Variants in NPY1R observed in about 807,000 individuals in gnomAD.
The protein encoded by NPY1R is neuropeptide Y receptor type 1.
In NPY1R, 10 loss-of-function variants were observed where a neutral mutation model predicts 24.1. The ratio of observed to expected loss-of-function variants is 0.42; its 90% CI spans 0.26 to 0.71. NPY1R has a LOEUF of 0.71. Among genes scored for constraint, NPY1R ranks in the 30% least tolerant of loss-of-function variants. The pLI is 0.28. For missense variants in NPY1R, 350 were observed against 458.0 expected (o/e 0.76, Z 2.15); for synonymous variants, 168 against 165.9 (o/e 1.01, Z -0.10).
chr4:163,326,853 G>T, intron 1 of NPY1R, 148 bp from the exon 2 acceptor site: 1 of 244,424 alleles, frequency 4.1e-6, no homozygotes, highest in Non-Finnish European at 7.8e-6. Context: ...TAGCAGAAAT[G>T]GTGAAAACAT....
Position 163,324,306 on chromosome 4 carries a change from C to G in NPY1R, c.*997G>C, listed in dbSNP as rs1421624507. ...CCTTTAACATTGTACCTTGGTGTTA[C>G]TTCCTTTGAAAGATGGACATTGAAA... On this transcript the variant is annotated 3_prime_UTR_variant, in exon 3 of 3. Coordinates refer to ENST00000296533, the MANE Select transcript of NPY1R (RefSeq NM_000909.6). 6.6e-6 allele frequency: 1 copy of G among 152,604 alleles called. No homozygotes were observed. The highest frequency in any genetic ancestry group is 2.4e-5 in the African/African-American group (1 of 41,440). The allele number at this position is 152,604 out of a possible 1,614,324, so 9.5% of individuals were successfully genotyped here.
intron 1 of NPY1R, among the ~76,000 whole-genome samples, chr4:163,329,407 C>T (rs1003364751): frequency 3.3e-5 from 5 of 152,034 alleles, no homozygotes; most frequent in African/African-American, 1.2e-4. Context: ...TTGAGATCAG[C>T]CTGGCCAACA....
chr4:163,325,334 A>AT lies in NPY1R; in HGVS notation c.1123dup (p.Ile375AsnfsTer5), dbSNP rs769517510. ...TTTTTCATTATCATCATTGTTGTTG[A>AT]TTTTTTTAAATGCGACTGGGCTTGC... On this transcript the variant is annotated frameshift_variant, in exon 3 of 3. Transcript: ENST00000296533. LOFTEE classifies it high-confidence loss of function. 6.8e-6 allele frequency: 11 copies of AT among 1,610,932 alleles called. No individual in the cohort carries two copies. The highest frequency in any genetic ancestry group is 1.7e-5 in the Admixed American group (1 of 59,322).
At position 163,331,611 on chromosome 4, in the gene NPY1R, C is replaced by T. The variant is rs777975530; in HGVS notation, c.-152+871G>A. On this transcript the variant is annotated intron_variant, in intron 1 of 2. Transcript: ENST00000296533. ...AACCAAAACCAAGCAGATCCCAAAC[C>T]GAAGTCAATTCTCTCTCTTTGGCCC... 3.9e-5 allele frequency among the ~76,000 whole-genome samples: 6 copies of T among 152,040 alleles called. No individual in the cohort carries two copies. In the East Asian group the frequency reaches 1.2e-3, roughly 29 times the overall value.
upstream of NPY1R, among the ~76,000 whole-genome samples, chr4:163,337,914 A>C (rs1734881758): frequency 6.6e-6 from 1 of 152,168 alleles, no homozygotes; most frequent in Admixed American, 6.5e-5. Context: ...CCCACCTGAA[A>C]CTGTTTCTGC....
At chr4:163,328,562 G>A (rs190452838) in intron 1 of NPY1R, among the ~76,000 whole-genome samples, 78 of 152,238 alleles carry the variant, frequency 5.1e-4, no homozygotes, top group Non-Finnish European at 6.2e-4. Flanking sequence ...GTACCAACAG[G>A]TGAATGAGGA....
chr4:163,326,920 G>A (rs1734621856), intron 1 of NPY1R, among the ~76,000 whole-genome samples: 1 of 152,092 alleles, frequency 6.6e-6, no homozygotes, highest in South Asian at 2.1e-4. Context: ...ACAAGTCTTA[G>A]TAAAACATAA....
intron 1 of NPY1R, chr4:163,330,996 C>T (rs1734712758): frequency 6.6e-6 from 1 of 152,238 alleles, no homozygotes; most frequent in Non-Finnish European, 1.5e-5. Flanking sequence ...CTGGGGAGGG[C>T]TTGTTCAACA....
rs1734581966 is a variant in NPY1R at position 163,325,441 on chromosome 4, A to C, written c.1017T>G (p.Asp339Glu). 1 of 1,614,168 alleles carries C rather than the reference A, an allele frequency of 6.2e-7. No individual in the cohort carries two copies. Among genetic ancestry groups the C allele is most frequent in the Non-Finnish European group, 8.5e-7 (1 of 1,180,002 alleles). ...RDLQFFFNFCDFRSRDDDYET... is the reference protein window; with the variant it reads ...RDLQFFFNFCEFRSRDDDYET... ...CATAATCATCATCCCGAGACCGGAA[A>C]TCACAAAAGTTGAAGAAGAACTGCA... The change falls in exon 3 of 3, where the codon GAT becomes GAG. Residue 339 changes from aspartate to glutamate, a missense_variant. Physicochemically the swap from Asp to Glu is conservative, Grantham distance 45. Coordinates refer to ENST00000296533, the MANE Select transcript of NPY1R (RefSeq NM_000909.6).
chr4:163,326,252 T>C lies in NPY1R; in HGVS notation c.303A>G (p.Thr101=). The C allele has an allele frequency of 6.2e-7, 1 of 1,614,148 alleles. No individual in the cohort carries two copies. Among genetic ancestry groups the C allele is most frequent in the Non-Finnish European group, 8.5e-7 (1 of 1,179,990 alleles). The change falls in exon 2 of 3, where the codon ACA becomes ACG. Residue 101 remains threonine (T), a synonymous_variant. Coordinates refer to ENST00000296533, the MANE Select transcript of NPY1R (RefSeq NM_000909.6). ...IMCLPFTFVY[T]LMDHWVFGEA... Reference sequence around the variant, plus strand: ...CACCAAAGACCCAGTGGTCCATTAATGTGTAGACAAATGTAAAGGGGAGAC... The same window carrying C: ...CACCAAAGACCCAGTGGTCCATTAACGTGTAGACAAATGTAAAGGGGAGAC...
At position 163,331,527 on chromosome 4, in the gene NPY1R, CT is replaced by C. The variant is rs1276956245; in HGVS notation, c.-152+954del. On this transcript the variant is annotated intron_variant, in intron 1 of 2. Coordinates refer to ENST00000296533, the MANE Select transcript of NPY1R (RefSeq NM_000909.6). ...ACACACTCTCACTCTCTCTCTCTCT[CT>C]CATCAAAAAACCTTTCTACCAGTGA... Among the ~76,000 whole-genome samples, 14 of 151,836 alleles carry C rather than the reference CT, an allele frequency of 9.2e-5. 1 individual carries two copies. The highest frequency in any genetic ancestry group is 1.6e-4 in the Non-Finnish European group (11 of 67,854).
chr4:163,333,639 C>T (rs1038521077), upstream of NPY1R, among the ~76,000 whole-genome samples: 11 of 152,142 alleles, frequency 7.2e-5, no homozygotes, highest in Admixed American at 5.9e-4. Context: ...AGTCTTTCTT[C>T]TAATTAAAAT....
upstream of NPY1R, among the ~76,000 whole-genome samples, chr4:163,334,200 C>T (rs1414251638): frequency 2.6e-5 from 4 of 152,300 alleles, no homozygotes; most frequent in Non-Finnish European, 5.9e-5. Context: ...ATCAAATTGG[C>T]TATCTTTAGC....
intron 1 of NPY1R, among the ~76,000 whole-genome samples, chr4:163,341,213 A>G (rs1734973325): frequency 6.6e-6 from 1 of 152,112 alleles, no homozygotes; most frequent in Non-Finnish European, 1.5e-5. Context: ...TGCAGCATAG[A>G]GCATCATAAA....
chr4:163,343,238 T>G (rs1426014925), intron 1 of NPY1R, among the ~76,000 whole-genome samples: 2 of 151,450 alleles, frequency 1.3e-5, no homozygotes, highest in Non-Finnish European at 2.9e-5. Context: ...TGCTATTGAA[T>G]ATAGTCTTGA....
chr4:163,342,477 A>G (rs1735012136), intron 1 of NPY1R, among the ~76,000 whole-genome samples: 1 of 152,220 alleles, frequency 6.6e-6, no homozygotes, highest in South Asian at 2.1e-4. Flanking sequence ...TGACACTTTC[A>G]TCCCCTACTC....
chr4:163,337,427 CCTT>C (rs1480274062), upstream of NPY1R, among the ~76,000 whole-genome samples: 2 of 152,166 alleles, frequency 1.3e-5, no homozygotes, highest in African/African-American at 2.4e-5. Context: ...TCAACGGACT[CCTT>C]CTTTTTGGGA....
chr4:163,332,761 A>C (rs1734762798), upstream of NPY1R: 2 of 152,446 alleles, frequency 1.3e-5, no homozygotes, highest in South Asian at 4.1e-4. Flanking sequence ...AAAGAAAAGC[A>C]ATCCAACAGA....
intron 1 of NPY1R, among the ~76,000 whole-genome samples, chr4:163,330,399 C>A (rs767339799): frequency 2.0e-5 from 3 of 152,212 alleles, no homozygotes; most frequent in Non-Finnish European, 2.9e-5. Flanking sequence ...TGTTTTCAAG[C>A]CTATTTTACT....
Sources: gnomAD v4.1 joint callset for allele counts (sites outside exome capture counted in the v4.1 genomes callset) on GRCh38, gnomAD v4.1.1 for gene constraint, MANE v1.5 for transcripts, NCBI Gene and HGNC (gene_info 2026-07-23, HGNC 2026-07-21) for gene names.